TNRC18: variants seen among roughly 807,000 people sequenced by gnomAD.
The protein encoded by TNRC18 is trinucleotide repeat-containing gene 18 protein.
A neutral mutation model predicts 226.7 loss-of-function variants in TNRC18; 69 were observed. The ratio of observed to expected loss-of-function variants is 0.30; its 90% CI spans 0.25 to 0.37. The LOEUF is 0.37. Among genes scored for constraint, TNRC18 ranks in the 10% least tolerant of loss-of-function variants. The pLI, the probability that TNRC18 is intolerant of heterozygous loss-of-function variation, is 1.00. For synonymous variants in TNRC18, 2,449 were observed against 1,927.6 expected, an observed-to-expected ratio of 1.27 and a Z score of -7.09; for missense variants, 4,754 against 4,256.6, an observed-to-expected ratio of 1.12 and a Z score of -3.25.
intron 2 of TNRC18, chr7:5,420,784 G>A (rs1296216652): frequency 4.5e-6 from 3 of 662,614 alleles, no homozygotes; most frequent in Non-Finnish European, 8.4e-6. Context: ...GGGCCCCGGG[G>A]ATTGGAATCG....
chr7:5,375,167 T>C (rs973495982), intron 9 of TNRC18, among the ~76,000 whole-genome samples: 3 of 152,056 alleles, frequency 2.0e-5, no homozygotes, highest in Non-Finnish European at 4.4e-5. Flanking sequence ...AAATTAGCCG[T>C]GCATGACAGC....
chr7:5,313,316 G>A lies in TNRC18; in HGVS notation c.7575C>T (p.Leu2525=), dbSNP rs557598848. The change falls in exon 27 of 30, where the codon CTC becomes CTT. Residue 2525 remains leucine, a synonymous_variant. Transcript: ENST00000430969. ...APWPKATDGD[L]AQEPGPGLTF... Reference sequence around the variant, plus strand: ...TGAGCCCCGGCCCGGGCTCCTGGGCGAGGTCCCCGTCGGTGGCCTTGGGCC... The same window carrying A: ...TGAGCCCCGGCCCGGGCTCCTGGGCAAGGTCCCCGTCGGTGGCCTTGGGCC... 627 of 1,549,826 alleles carry A rather than the reference G, an allele frequency of 4.0e-4. 4 individuals are homozygous for A. The highest frequency in any genetic ancestry group is 7.6e-4 in the Admixed American group (39 of 51,110).
rs753861831 is a variant in TNRC18 at position 5,313,004 on chromosome 7, TGAG to T, written c.7884_7886del (p.Ser2671del). ...AAGAGGAGGAGGAGGAAGAGGAGGATGAGGAGGAGGAGGAGGAGGAGGAGGAGG... is the reference window on the plus strand; with the variant it reads ...AAGAGGAGGAGGAGGAAGAGGAGGATGAGGAGGAGGAGGAGGAGGAGGAGG... On this transcript the variant is annotated inframe_deletion, in exon 27 of 30. Coordinates refer to ENST00000430969, the MANE Select transcript of TNRC18 (RefSeq NM_001080495.3). The T allele has an allele frequency of 0.014, 7,443 of 550,888 alleles. 11 individuals are homozygous for T. The highest frequency in any genetic ancestry group is 0.025 in the East Asian group (476 of 19,076). 34.1% of individuals were successfully genotyped at this position (550,888 alleles called of 1,614,324 possible).
At chr7:5,400,738 TG>T (rs1381927046) in intron 2 of TNRC18, among the ~76,000 whole-genome samples, 1 of 152,036 alleles carries the variant, frequency 6.6e-6, no homozygotes, top group Non-Finnish European at 1.5e-5. Context: ...TTCACCTCCA[TG>T]AAAAAAATGC....
rs1442380335 is a variant in TNRC18, at chr7:5,389,112, C to T, written c.712G>A (p.Val238Met). The T allele has an allele frequency of 3.8e-6, 5 of 1,317,134 alleles. 1 individual carries two copies. In the South Asian group the frequency reaches 5.1e-5, roughly 13 times the overall value. The allele number at this position is 1,317,134 out of a possible 1,614,324, so 81.6% of individuals were successfully genotyped here. ...CGCGCCTCCTGGGTCAGGTCCACCA[C>T]GCCCCGTGGCCCCGAGGCCTCCTCG... ...RGEEASGPRG[V>M]VDLTQEARAE... The change falls in exon 5 of 30, where the codon GTG (valine) becomes ATG (methionine). Residue 238 changes from valine to methionine, a missense_variant. By Grantham distance (21) the Val-to-Met change is conservative (BLOSUM62 1). Coordinates refer to ENST00000430969, the MANE Select transcript of TNRC18 (RefSeq NM_001080495.3).
intron 2 of TNRC18, among the ~76,000 whole-genome samples, chr7:5,405,981 G>A (rs1781437819): frequency 6.6e-6 from 1 of 152,154 alleles, no homozygotes; most frequent in Non-Finnish European, 1.5e-5. Context: ...GTTCATAGCA[G>A]CACTATTCAC....
At chr7:5,359,688 G>C in intron 14 of TNRC18, 119 bp from the exon 15 acceptor site, 1 of 1,100,688 alleles carries the variant, frequency 9.1e-7, no homozygotes, top group Non-Finnish European at 1.3e-6. Context: ...AGTGATGGCA[G>C]AGTGACGGGC....
At chr7:5,339,529 C>T (rs1352983837) in intron 18 of TNRC18, among the ~76,000 whole-genome samples, 5 of 147,200 alleles carry the variant, frequency 3.4e-5, no homozygotes, top group Admixed American at 6.9e-5. Context: ...CGCGAGCTAT[C>T]GTGCCCAGCC....
rs745708683 is a variant in TNRC18, at chr7:5,420,532, C to CCGTACTCCCGCATCCCCCGG, written c.187+508_187+527dup. ...GGCCAGGGTCCCAAGGCTGGGGTCA[C>CCGTACTCCCGCATCCCCCGG]CGTACTCCCGCATCCCCCGGCGTAC... On this transcript the variant is annotated intron_variant, in intron 2 of 29. Coordinates refer to ENST00000430969, the MANE Select transcript of TNRC18 (RefSeq NM_001080495.3). 255 of 445,232 alleles carry CCGTACTCCCGCATCCCCCGG rather than the reference C, an allele frequency of 5.7e-4. 1 individual carries two copies. Among genetic ancestry groups the CCGTACTCCCGCATCCCCCGG allele is most frequent in the African/African-American group, 3.9e-3 (196 of 49,778 alleles). The allele number at this position is 445,232 out of a possible 1,614,324, so 27.6% of individuals were successfully genotyped here. A position where few individuals can be genotyped will look rare whatever the true frequency, so the allele number is the denominator to read the frequency against.
intron 2 of TNRC18, among the ~76,000 whole-genome samples, chr7:5,417,426 C>T (rs1053231691): frequency 2.0e-5 from 3 of 152,068 alleles, no homozygotes; most frequent in South Asian, 4.1e-4. Context: ...GCTGAGATCA[C>T]GCTATTGCAT....
At position 5,374,096 on chromosome 7, in the gene TNRC18, A is replaced by G. The variant is rs1157718663; in HGVS notation, c.3188T>C (p.Leu1063Ser). 1.3e-6 allele frequency: 2 copies of G among 1,580,134 alleles called. No homozygotes were observed. The highest frequency in any genetic ancestry group is 1.7e-6 in the Non-Finnish European group (2 of 1,165,562). Reference protein sequence around the residue: ...ENVVEKKDLELEKEAPSPFQA... With the variant: ...ENVVEKKDLESEKEAPSPFQA... Reference sequence around the variant, plus strand: ...GAAGGGGCTGGGGGCTTCCTTCTCCAACTCCAAGTCTTTCTTCTCGACCAC... The same window carrying G: ...GAAGGGGCTGGGGGCTTCCTTCTCCGACTCCAAGTCTTTCTTCTCGACCAC... The change falls in exon 10 of 30, where the codon TTG becomes TCG. Residue 1063 changes from leucine to serine, a missense_variant. Leu to Ser is a moderately radical substitution (Grantham distance 145). Transcript: ENST00000430969.
At chr7:5,314,897 G>A in intron 26 of TNRC18, 87 bp downstream of exon 26, 1 of 1,389,642 alleles carries the variant, frequency 7.2e-7, no homozygotes, top group South Asian at 1.4e-5. Context: ...ACAGCAGGCA[G>A]GCACTTCGGC....
rs770417959 is a variant in TNRC18 at position 5,389,243 on chromosome 7, G to A, written c.581C>T (p.Ala194Val). 21 of 1,329,480 alleles carry A rather than the reference G, an allele frequency of 1.6e-5. No individual in the cohort carries two copies. The African/African-American group carries it at 2.9e-4, about 18-fold the overall frequency. The allele number at this position is 1,329,480 out of a possible 1,614,324, so 82.4% of individuals were successfully genotyped here. A position where few individuals can be genotyped will look rare whatever the true frequency, so the allele number is the denominator to read the frequency against. ...RTPGGGHSSG[A>V]PAKGSSSRDG... ...CCGCGACGACGAGCCTTTGGCCGGG[G>A]CGCCCGAGGAGTGGCCGCCGCCAGG... The change falls in exon 5 of 30, where the codon GCC (alanine) becomes GTC (valine). Residue 194 changes from alanine to valine, a missense_variant. Physicochemically the swap from Ala to Val is moderately conservative, Grantham distance 64. Transcript: ENST00000430969.
At chr7:5,376,769 G>A in intron 8 of TNRC18, 78 bp downstream of exon 8, 2 of 1,538,654 alleles carry the variant, frequency 1.3e-6, no homozygotes, top group Non-Finnish European at 1.8e-6. Context: ...CCCTCAGCAG[G>A]AAGCCCTTGG....
At chr7:5,333,177 A>AAACG in intron 18 of TNRC18, 128 bp from the exon 19 acceptor site, 1 of 1,108,170 alleles carries the variant, frequency 9.0e-7, no homozygotes, top group Non-Finnish European at 1.3e-6. Flanking sequence ...GCCCGTTTCC[A>AAACG]GGAGAGGAAA....
intron 2 of TNRC18, among the ~76,000 whole-genome samples, chr7:5,400,898 C>A (rs1781039700): frequency 6.6e-6 from 1 of 152,076 alleles, no homozygotes; most frequent in Non-Finnish European, 1.5e-5. Context: ...AAAAAATTAA[C>A]CGGGTGTGGT....
chr7:5,360,703 C>T (rs1008875344), intron 14 of TNRC18, among the ~76,000 whole-genome samples: 1 of 152,024 alleles, frequency 6.6e-6, no homozygotes, highest in Non-Finnish European at 1.5e-5. Flanking sequence ...CCCTCTTCTC[C>T]GGGAAGCTCT....
intron 2 of TNRC18, among the ~76,000 whole-genome samples, chr7:5,412,315 C>A (rs1278610782): frequency 6.6e-6 from 1 of 151,190 alleles, no homozygotes; most frequent in African/African-American, 2.4e-5. Context: ...GTGGCTTACG[C>A]CTGTAATCCC....
rs531430017 is a variant in TNRC18 at position 5,324,563 on chromosome 7, G to A, written c.6301-208C>T. Among the ~76,000 whole-genome samples, 4 of 152,292 alleles carry A rather than the reference G, an allele frequency of 2.6e-5. No homozygotes were observed. Among genetic ancestry groups the A allele is most frequent in the African/African-American group, 7.2e-5 (3 of 41,566 alleles). ...CCAGCTGGCCCATGCTCAGTACTCG[G>A]TGCTCAATACTCAGTACTCTGTGCT... On this transcript the variant is annotated intron_variant, in intron 20 of 29. Coordinates refer to ENST00000430969, the MANE Select transcript of TNRC18 (RefSeq NM_001080495.3). The surrounding 1 kb of genome is among the most constrained non-coding windows in gnomAD (Gnocchi z 4.8).
Sources: gnomAD v4.1 joint callset for allele counts (sites outside exome capture counted in the v4.1 genomes callset) on GRCh38, gnomAD v4.1.1 for gene constraint, Gnocchi (gnomAD v3.1) non-coding constraint, MANE v1.5 for transcripts, NCBI Gene and HGNC (gene_info 2026-07-23, HGNC 2026-07-21) for gene names.